RNF217: variants seen among roughly 807,000 people sequenced by gnomAD.
RNF217 encodes ring finger protein 217.
In RNF217, 31 loss-of-function variants were observed where a neutral mutation model predicts 57.8. The ratio of observed to expected loss-of-function variants is 0.54; its 90% CI spans 0.40 to 0.72. The LOEUF (loss-of-function observed/expected upper bound fraction) is 0.72, where lower values mean the gene tolerates loss of function less well. Ranked by LOEUF, RNF217 falls within the 30% of genes least tolerant of loss-of-function variation. RNF217 has a pLI of 0.00. For synonymous variants in RNF217, 313 were observed against 294.0 expected (o/e 1.06, Z -0.66); for missense variants, 696 against 708.3 (o/e 0.98, Z 0.20).
At chr6:125,015,712 G>C (rs974644325) in intron 1 of RNF217, among the ~76,000 whole-genome samples, 2 of 151,832 alleles carry the variant, frequency 1.3e-5, no homozygotes, top group African/African-American at 2.4e-5. Context: ...AAAGAAAATA[G>C]TAATGTAAAA....
chr6:124,971,031 A>G lies in RNF217; in HGVS notation c.882+7605A>G, dbSNP rs1055681061. Among the ~76,000 whole-genome samples, 111 of 152,174 alleles carry G rather than the reference A, an allele frequency of 7.3e-4. 1 individual carries two copies. Among genetic ancestry groups the G allele is most frequent in the African/African-American group, 2.7e-3 (110 of 41,436 alleles). ...GTTAGAGTGGGTTCAAAAGAACAGG[A>G]ACAATTCTGTTTTTGTACTGCAGGT... On this transcript the variant is annotated intron_variant, in intron 1 of 5. Transcript: ENST00000521654.
At chr6:125,063,124 G>A (rs1263517085) in intron 3 of RNF217, among the ~76,000 whole-genome samples, 2 of 152,016 alleles carry the variant, frequency 1.3e-5, no homozygotes, top group African/African-American at 4.8e-5. Context: ...TTTGTTGGAG[G>A]TATCAGAATA....
intron 1 of RNF217, among the ~76,000 whole-genome samples, chr6:125,001,245 T>A (rs1784970698): frequency 6.6e-6 from 1 of 152,114 alleles, no homozygotes; most frequent in South Asian, 2.1e-4. Context: ...TCTATGTAAG[T>A]TTTCTTGTAT....
At chr6:124,967,493 C>G (rs989341261) in intron 1 of RNF217, among the ~76,000 whole-genome samples, 2 of 152,130 alleles carry the variant, frequency 1.3e-5, no homozygotes, top group African/African-American at 4.8e-5. Flanking sequence ...AAGGGGCTTG[C>G]TGAAGGTGAC....
chr6:125,069,278 A>T (rs1036586322), intron 3 of RNF217, among the ~76,000 whole-genome samples: 1 of 152,128 alleles, frequency 6.6e-6, no homozygotes, highest in African/African-American at 2.4e-5. Flanking sequence ...TGAAATCAGC[A>T]TCTATTTATT....
intron 1 of RNF217, among the ~76,000 whole-genome samples, chr6:125,015,600 T>C (rs555140071): frequency 9.5e-4 from 144 of 152,118 alleles, no homozygotes; most frequent in African/African-American, 3.3e-3. Flanking sequence ...GTATGATCAC[T>C]ATTTTACTTA....
intron 2 of RNF217, among the ~76,000 whole-genome samples, chr6:125,055,901 TAA>T (rs1289247576): frequency 1.3e-5 from 2 of 152,176 alleles, no homozygotes; most frequent in Non-Finnish European, 2.9e-5. Flanking sequence ...TGTTTTCTTT[TAA>T]AAATGATTTA....
chr6:125,027,447 A>T (rs1339549614), intron 1 of RNF217, among the ~76,000 whole-genome samples: 1 of 152,188 alleles, frequency 6.6e-6, no homozygotes, highest in Non-Finnish European at 1.5e-5. Flanking sequence ...CTAACAGAAT[A>T]ATCTGCAATT....
intron 1 of RNF217, among the ~76,000 whole-genome samples, chr6:125,030,577 G>A (rs1257914013): frequency 1.3e-5 from 2 of 152,166 alleles, no homozygotes; most frequent in African/African-American, 4.8e-5. Context: ...ATCCAGTAGG[G>A]CAGTCCAATT....
chr6:124,962,975 G>C lies in RNF217; in HGVS notation c.431G>C (p.Gly144Ala), dbSNP rs543000431. 3.9e-4 allele frequency: 623 copies of C among 1,597,204 alleles called. 2 individuals carry two copies. The highest frequency in any genetic ancestry group is 1.7e-4 in the Non-Finnish European group (206 of 1,179,340). ...EPRTRVGAAD[G>A]LVLDVLGQRR... Reference sequence around the variant, plus strand: ...AGGACCCGCGTGGGGGCCGCCGACGGACTGGTCCTGGACGTGCTGGGTCAG... The same window carrying C: ...AGGACCCGCGTGGGGGCCGCCGACGCACTGGTCCTGGACGTGCTGGGTCAG... The change falls in exon 1 of 6, where the codon GGA becomes GCA. Residue 144 changes from glycine to alanine, a missense_variant. Transcript: ENST00000521654. This position sits in a 1 kb window ranked among gnomAD's most constrained non-coding sequence, Gnocchi z 4.6.
At chr6:125,070,420 G>A (rs548657818) in intron 3 of RNF217, among the ~76,000 whole-genome samples, 25 of 152,284 alleles carry the variant, frequency 1.6e-4, no homozygotes, top group African/African-American at 5.1e-4. Flanking sequence ...AGTTCTTCAA[G>A]GAATCTGTTT....
At chr6:124,981,113 G>A in intron 1 of RNF217, among the ~76,000 whole-genome samples, 1 of 151,834 alleles carries the variant, frequency 6.6e-6, no homozygotes, top group East Asian at 1.9e-4. Flanking sequence ...GACACTATAT[G>A]GTGCTTAAGA....
At chr6:124,972,064 C>G (rs2114991647) in intron 1 of RNF217, among the ~76,000 whole-genome samples, 1 of 152,170 alleles carries the variant, frequency 6.6e-6, no homozygotes, top group East Asian at 1.9e-4. Flanking sequence ...CCACCTTAAA[C>G]TTAACTTCTC....
chr6:124,962,543 C>T lies in RNF217; in HGVS notation c.-2C>T. 8.4e-7 allele frequency: 1 copy of T among 1,189,118 alleles called. No individual in the cohort carries two copies. Among genetic ancestry groups the T allele is most frequent in the Non-Finnish European group, 1.0e-6 (1 of 960,780 alleles). The allele number at this position is 1,189,118 out of a possible 1,614,324, so 73.7% of individuals were successfully genotyped here. A position where few individuals can be genotyped will look rare whatever the true frequency, so the allele number is the denominator to read the frequency against. Reference sequence around the variant, plus strand: ...CAGCGGCGGCGCGGGCCGCGGGCGGCGATGGGCGAGGAGCAGAGCACGGTG... The same window carrying T: ...CAGCGGCGGCGCGGGCCGCGGGCGGTGATGGGCGAGGAGCAGAGCACGGTG... On this transcript the variant is annotated 5_prime_UTR_variant, in exon 1 of 6. Coordinates refer to ENST00000521654, the MANE Select transcript of RNF217 (RefSeq NM_001286398.3). The surrounding 1 kb of genome is among the most constrained non-coding windows in gnomAD (Gnocchi z 4.6).
chr6:124,970,144 TAAAGTA>T (rs909115957), intron 1 of RNF217, among the ~76,000 whole-genome samples: 3 of 152,132 alleles, frequency 2.0e-5, no homozygotes, highest in Non-Finnish European at 4.4e-5. Flanking sequence ...TTCATTTCCC[TAAAGTA>T]AAATGTTGTA....
At chr6:125,075,644 AT>A (rs1293957743) in intron 3 of RNF217, among the ~76,000 whole-genome samples, 2 of 152,136 alleles carry the variant, frequency 1.3e-5, no homozygotes, top group African/African-American at 4.8e-5. Flanking sequence ...TCAAGGTGAT[AT>A]TTAGGTGGGA....
At chr6:125,079,556 A>C (rs1317765226) in intron 4 of RNF217, among the ~76,000 whole-genome samples, 4 of 152,172 alleles carry the variant, frequency 2.6e-5, no homozygotes, top group African/African-American at 9.6e-5. Flanking sequence ...TGGCAGTCTC[A>C]AAATGAGATA....
chr6:125,029,670 G>A (rs1046149660), intron 1 of RNF217, among the ~76,000 whole-genome samples: 3 of 152,162 alleles, frequency 2.0e-5, no homozygotes, highest in Non-Finnish European at 4.4e-5. Flanking sequence ...TGGTAAAAAT[G>A]TAGAACGTGC....
intron 1 of RNF217, among the ~76,000 whole-genome samples, chr6:125,009,805 T>C (rs1446430995): frequency 6.6e-6 from 1 of 152,194 alleles, no homozygotes; most frequent in Non-Finnish European, 1.5e-5. Flanking sequence ...AAACTATTTA[T>C]ATCATCTCAA....
Sources: gnomAD v4.1 joint callset for allele counts (sites outside exome capture counted in the v4.1 genomes callset) on GRCh38, gnomAD v4.1.1 for gene constraint, Gnocchi (gnomAD v3.1) non-coding constraint, MANE v1.5 for transcripts, NCBI Gene and HGNC (gene_info 2026-07-23, HGNC 2026-07-21) for gene names.